MPP7: variants seen among roughly 807,000 people sequenced by gnomAD.
The protein encoded by MPP7 is MAGUK p55 subfamily member 7.
MPP7 carries 60 observed loss-of-function variants against 76.5 expected under a neutral mutation model. That is an observed-to-expected ratio of 0.78 (90% CI 0.64 to 0.97). The LOEUF (loss-of-function observed/expected upper bound fraction) is 0.97. Ranked by LOEUF, MPP7 falls within the 50% of genes least tolerant of loss-of-function variation. MPP7 has a pLI of 0.00. For missense variants in MPP7, 641 were observed against 694.0 expected, an observed-to-expected ratio of 0.92 and a Z score of 0.86; for synonymous variants, 237 against 244.5, an observed-to-expected ratio of 0.97 and a Z score of 0.29.
intron 1 of MPP7, among the ~76,000 whole-genome samples, chr10:28,244,951 C>T (rs1839385649): frequency 1.3e-5 from 2 of 152,126 alleles, no homozygotes; most frequent in Non-Finnish European, 2.9e-5. Context: ...GCACCATGAC[C>T]CCATTTTCCT....
At chr10:28,083,952 T>C (rs1377319568) in intron 12 of MPP7, among the ~76,000 whole-genome samples, 2 of 152,224 alleles carry the variant, frequency 1.3e-5, no homozygotes, top group African/African-American at 4.8e-5. Flanking sequence ...TGTTCTGTTA[T>C]AATCCAATTG....
chr10:28,124,466 A>ATTATTT (rs1834945070), intron 7 of MPP7, among the ~76,000 whole-genome samples: 1 of 80,082 alleles, frequency 1.2e-5, no homozygotes, highest in African/African-American at 5.0e-5. Context: ...AAGAAACAAG[A>ATTATTT]TTTTTTTTTT....
chr10:28,178,845 A>T (rs529257391), intron 3 of MPP7, among the ~76,000 whole-genome samples: 1 of 152,210 alleles, frequency 6.6e-6, no homozygotes, highest in Admixed American at 6.5e-5. Context: ...TACAAAAAAG[A>T]AACAGAGACA....
At chr10:28,070,575 A>G (rs1057354997) in intron 12 of MPP7, among the ~76,000 whole-genome samples, 22 of 152,240 alleles carry the variant, frequency 1.4e-4, no homozygotes, top group African/African-American at 5.1e-4. Flanking sequence ...AAATTCAGTT[A>G]CGCATTTTAC....
At chr10:28,190,926 G>C (rs910759258) in intron 3 of MPP7, among the ~76,000 whole-genome samples, 1 of 151,900 alleles carries the variant, frequency 6.6e-6, no homozygotes, top group Non-Finnish European at 1.5e-5. Flanking sequence ...TACAAATTAC[G>C]AATATCAGAA....
intron 1 of MPP7, among the ~76,000 whole-genome samples, chr10:28,288,185 G>T (rs1840831057): frequency 6.6e-6 from 1 of 152,128 alleles, no homozygotes; most frequent in South Asian, 2.1e-4. Context: ...CTTTGTAAAG[G>T]TATTTTTCAT....
intron 2 of MPP7, among the ~76,000 whole-genome samples, chr10:28,213,546 G>A (rs1272902295): frequency 6.6e-6 from 1 of 152,080 alleles, no homozygotes; most frequent in African/African-American, 2.4e-5. Flanking sequence ...TGCAATCCCA[G>A]CACTTTGTGA....
chr10:28,199,879 AACACACAC>A (rs3064104), intron 3 of MPP7, among the ~76,000 whole-genome samples: 3 of 148,840 alleles, frequency 2.0e-5, no homozygotes, highest in African/African-American at 2.5e-5. Flanking sequence ...AGCCCATTTA[AACACACAC>A]ACACACACAC....
intron 1 of MPP7, among the ~76,000 whole-genome samples, chr10:28,276,679 G>A (rs1370975746): frequency 6.6e-6 from 1 of 152,064 alleles, no homozygotes; most frequent in Non-Finnish European, 1.5e-5. Context: ...TGCACACGTA[G>A]GTTTGATATG....
chr10:28,077,714 T>C (rs1367554993), intron 12 of MPP7, among the ~76,000 whole-genome samples: 1 of 152,238 alleles, frequency 6.6e-6, no homozygotes, highest in Admixed American at 6.5e-5. Flanking sequence ...GATAAAGAAA[T>C]TTTTATCACA....
chr10:28,139,818 T>C (rs1487911043), intron 5 of MPP7, among the ~76,000 whole-genome samples: 2 of 152,224 alleles, frequency 1.3e-5, no homozygotes, highest in African/African-American at 2.4e-5. Context: ...TAAAGGACCA[T>C]ATATAAATTT....
At chr10:28,223,460 T>C (rs1009434347) in intron 2 of MPP7, among the ~76,000 whole-genome samples, 20 of 152,210 alleles carry the variant, frequency 1.3e-4, no homozygotes, top group African/African-American at 3.9e-4. Context: ...AGCATGATTA[T>C]AATTTTTGCA....
intron 2 of MPP7, among the ~76,000 whole-genome samples, chr10:28,324,153 C>A (rs2368309): frequency 6.6e-6 from 1 of 151,812 alleles, no homozygotes; most frequent in African/African-American, 2.4e-5. Context: ...GGGGCTGTGA[C>A]TAGGTCATGA....
At chr10:28,288,492 C>T (rs187261089) in intron 1 of MPP7, among the ~76,000 whole-genome samples, 1 of 152,282 alleles carries the variant, frequency 6.6e-6, no homozygotes, top group East Asian at 1.9e-4. Context: ...CGTCCCACCT[C>T]GGCCTCCCAA....
chr10:28,318,546 A>G (rs1488294030), intron 2 of MPP7, among the ~76,000 whole-genome samples: 8 of 152,128 alleles, frequency 5.3e-5, no homozygotes, highest in Non-Finnish European at 1.2e-4. Flanking sequence ...TTAGCTGGAC[A>G]TGGTTTCGTG....
At chr10:28,240,809 T>G (rs1050251472) in intron 1 of MPP7, among the ~76,000 whole-genome samples, 2 of 152,142 alleles carry the variant, frequency 1.3e-5, no homozygotes, top group African/African-American at 4.8e-5. Flanking sequence ...CTGTATAATT[T>G]AAAGAACACA....
At chr10:28,283,540 A>G (rs1280164396) in intron 1 of MPP7, among the ~76,000 whole-genome samples, 2 of 151,998 alleles carry the variant, frequency 1.3e-5, no homozygotes, top group Non-Finnish European at 2.9e-5. Context: ...TGTGAGACAG[A>G]GTCTCACTCT....
chr10:28,246,397 A>G (rs1485808399), intron 1 of MPP7, among the ~76,000 whole-genome samples: 1 of 152,118 alleles, frequency 6.6e-6, no homozygotes, highest in African/African-American at 2.4e-5. Context: ...AAATAAACAA[A>G]AGCTGAGGGA....
At chr10:28,310,580 G>A (rs2133173832) in intron 2 of MPP7, among the ~76,000 whole-genome samples, 1 of 152,096 alleles carries the variant, frequency 6.6e-6, no homozygotes, top group East Asian at 1.9e-4. Context: ...TCAAACATAA[G>A]AAAAAACTAA....
Sources: gnomAD v4.1 joint callset for allele counts (sites outside exome capture counted in the v4.1 genomes callset) on GRCh38, gnomAD v4.1.1 for gene constraint, MANE v1.5 for transcripts, NCBI Gene and HGNC (gene_info 2026-07-23, HGNC 2026-07-21) for gene names.